The following VPS13C variants were observed in gnomAD, a reference collection of about 807,000 sequenced individuals.
VPS13C encodes vacuolar protein sorting 13 homolog C, also known as intermembrane lipid transfer protein VPS13C.
VPS13C carries 358 observed loss-of-function variants against 456.8 expected under a neutral mutation model. That is an observed-to-expected ratio of 0.78 (90% CI 0.72 to 0.86). VPS13C has a LOEUF of 0.86. Ranked by LOEUF, VPS13C falls within the 40% of genes least tolerant of loss-of-function variation. The pLI is 0.00. For synonymous variants in VPS13C, 1,578 were observed against 1,486.7 expected (o/e 1.06, Z -1.41); for missense variants, 4,818 against 4,385.4 (o/e 1.10, Z -2.79).
intron 70 of VPS13C, 22 bp from the exon 71 acceptor site, chr15:61,881,654 T>C (rs763004146): frequency 6.3e-6 from 10 of 1,595,142 alleles, no homozygotes; most frequent in South Asian, 2.3e-5. Flanking sequence ...AAGTAACACA[T>C]AAAAAAAAAT....
chr15:61,888,510 T>C (rs2140063937), intron 67 of VPS13C, among the ~76,000 whole-genome samples: 1 of 152,266 alleles, frequency 6.6e-6, no homozygotes, highest in South Asian at 2.1e-4. Context: ...AATGGACTAT[T>C]ATTCAATAAT....
chr15:62,007,307 C>T lies in VPS13C; in HGVS notation c.1290+1G>A, dbSNP rs577923346. On this transcript the variant is annotated splice_donor_variant, in intron 15 of 84. Coordinates refer to ENST00000644861, the MANE Select transcript of VPS13C (RefSeq NM_020821.3). LOFTEE classifies it high-confidence loss of function. ...CTCTCACTAATATATGCAAGATATA[C>T]CTGAATTTCTTTCTGTATTTCTTCT... 1.2e-6 allele frequency: 2 copies of T among 1,602,266 alleles called. No homozygotes were observed. Among genetic ancestry groups the T allele is most frequent in the South Asian group, 1.1e-5 (1 of 88,190 alleles).
intron 6 of VPS13C, among the ~76,000 whole-genome samples, chr15:62,024,053 C>G (rs1355333535): frequency 6.6e-6 from 1 of 151,936 alleles, no homozygotes; most frequent in South Asian, 2.1e-4. Context: ...AAAGAATAAC[C>G]TTCTTTAATC....
chr15:61,998,600 G>A (rs937650498), intron 16 of VPS13C, among the ~76,000 whole-genome samples: 2 of 152,080 alleles, frequency 1.3e-5, no homozygotes, highest in Non-Finnish European at 2.9e-5. Context: ...GGGGTCAAAC[G>A]GCCCAAAATC....
At chr15:61,979,355 G>C (rs112960534) in intron 22 of VPS13C, among the ~76,000 whole-genome samples, 1 of 152,164 alleles carries the variant, frequency 6.6e-6, no homozygotes, top group Non-Finnish European at 1.5e-5. Flanking sequence ...ACAGGATCTA[G>C]TTTGAGTCAC....
chr15:62,055,529 C>T (rs1161407881), intron 1 of VPS13C, among the ~76,000 whole-genome samples: 1 of 151,566 alleles, frequency 6.6e-6, no homozygotes, highest in Non-Finnish European at 1.5e-5. Context: ...GTGTGAGCCA[C>T]GGTGCCTGGC....
chr15:61,875,937 TAAGTTTGTGTTAAA>T (rs1195801535), intron 75 of VPS13C, 92 bp from the exon 76 acceptor site: 1 of 876,178 alleles, frequency 1.1e-6, no homozygotes, highest in East Asian at 2.8e-5. Context: ...CTGATAAAAT[TAAGTTTGTGTTAAA>T]AGAAAGCTGT....
intron 38 of VPS13C, 152 bp from the exon 39 acceptor site, chr15:61,952,132 T>A: frequency 1.1e-6 from 1 of 936,236 alleles, no homozygotes; most frequent in Admixed American, 2.9e-5. Context: ...TTTGGCATGA[T>A]TCCCAGAACT....
At position 62,023,751 on chromosome 15, in the gene VPS13C, C is replaced by T. The variant is rs28664955; in HGVS notation, c.514+29G>A. ...ATAAAGTGGCAATGTGTATAAACAA[C>T]ACCATGGCATAAAACTACTTTTACC... On this transcript the variant is annotated intron_variant, in intron 7 of 84. Coordinates refer to ENST00000644861, the MANE Select transcript of VPS13C (RefSeq NM_020821.3). The T allele has an allele frequency of 0.036, 56,444 of 1,581,776 alleles. 2,437 individuals are homozygous for T. The highest frequency in any genetic ancestry group is 0.21 in the African/African-American group (15,673 of 73,966).
At chr15:61,968,365 G>A (rs1276251108) in intron 28 of VPS13C, among the ~76,000 whole-genome samples, 1 of 151,894 alleles carries the variant, frequency 6.6e-6, no homozygotes, top group African/African-American at 2.4e-5. Context: ...AATGTATTAG[G>A]TATTAGAAGT....
chr15:62,003,629 C>T (rs1413207558), intron 15 of VPS13C, among the ~76,000 whole-genome samples: 1 of 151,744 alleles, frequency 6.6e-6, no homozygotes, highest in African/African-American at 2.4e-5. Context: ...CAGTTTTTGC[C>T]CATTCACTAT....
intron 8 of VPS13C, among the ~76,000 whole-genome samples, chr15:62,021,365 A>C (rs1019800387): frequency 2.6e-5 from 4 of 151,936 alleles, no homozygotes; most frequent in East Asian, 1.9e-4. Context: ...TTAACACTTC[A>C]AAATGCTTCT....
At position 61,962,749 on chromosome 15, in the gene VPS13C, T is replaced by C. The variant is rs760607176; in HGVS notation, c.3435A>G (p.Lys1145=). 1 of 1,582,274 alleles carries C rather than the reference T, an allele frequency of 6.3e-7. No homozygotes were observed. The highest frequency in any genetic ancestry group is 8.6e-7 in the Non-Finnish European group (1 of 1,159,404). Residue 1145 remains lysine (K), a splice_region_variant and synonymous_variant, in exon 33 of 85, where the codon AAA becomes AAG. Transcript: ENST00000644861. ...TDVDPKTVHK[K]AVSIMGNEVF... The stretch of plus-strand genomic sequence containing the variant: ...TAACTATCTGTTTACAATCACCTAC[T>C]TTCTTATGAACTGTCTTTGGATCAA...
intron 66 of VPS13C, among the ~76,000 whole-genome samples, chr15:61,892,909 G>A (rs2042693644): frequency 6.6e-6 from 1 of 152,174 alleles, no homozygotes; most frequent in African/African-American, 2.4e-5. Flanking sequence ...GAATCAGTTA[G>A]CTCTAAGACA....
intron 54 of VPS13C, 126 bp from the exon 55 acceptor site, chr15:61,922,159 C>A (rs1455861002): frequency 9.2e-7 from 1 of 1,087,646 alleles, no homozygotes; most frequent in Non-Finnish European, 1.3e-6. Context: ...ACCCATCTAA[C>A]AATATATAGA....
At chr15:61,863,217 C>G (rs769007623) in intron 82 of VPS13C, among the ~76,000 whole-genome samples, 11 of 152,072 alleles carry the variant, frequency 7.2e-5, no homozygotes, top group Non-Finnish European at 1.5e-4. Context: ...CTAAGCCACA[C>G]TGAGTCTCAG....
chr15:61,921,289 C>T (rs914157972), intron 55 of VPS13C, among the ~76,000 whole-genome samples: 4 of 152,070 alleles, frequency 2.6e-5, no homozygotes, highest in African/African-American at 9.7e-5. Flanking sequence ...CAGTGCCTGA[C>T]TCCTTAGTAA....
At position 61,932,924 on chromosome 15, in the gene VPS13C, T is replaced by C. The variant is rs142975622; in HGVS notation, c.5868+1295A>G. Among the ~76,000 whole-genome samples the C allele has an allele frequency of 9.8e-5, 15 of 152,332 alleles. No individual in the cohort carries two copies. In the East Asian group the frequency reaches 2.7e-3, roughly 27 times the overall value. On this transcript the variant is annotated intron_variant, in intron 49 of 84. Transcript: ENST00000644861. ...TCTTTCCATAATATGAAATTCAGATTATATAACACAATGTTTATTAGTGGA... is the reference window on the plus strand; with the variant it reads ...TCTTTCCATAATATGAAATTCAGATCATATAACACAATGTTTATTAGTGGA...
intron 53 of VPS13C, among the ~76,000 whole-genome samples, chr15:61,923,194 C>T (rs1233355767): frequency 7.2e-6 from 1 of 138,032 alleles, no homozygotes; most frequent in East Asian, 2.1e-4. Context: ...TATCGGTATG[C>T]AACAAGATCT....
Sources: gnomAD v4.1 joint callset for allele counts (sites outside exome capture counted in the v4.1 genomes callset) on GRCh38, gnomAD v4.1.1 for gene constraint, MANE v1.5 for transcripts, NCBI Gene and HGNC (gene_info 2026-07-23, HGNC 2026-07-21) for gene names.